RASGEF1C: variants seen among roughly 807,000 people sequenced by gnomAD.
The protein encoded by RASGEF1C is RasGEF domain family member 1C, also known as ras-GEF domain-containing family member 1C.
A neutral mutation model predicts 58.1 loss-of-function variants in RASGEF1C; 27 were observed. That is an observed-to-expected ratio of 0.46 (90% CI 0.34 to 0.64). RASGEF1C has a LOEUF of 0.64. Ranked by LOEUF, RASGEF1C falls within the 30% of genes least tolerant of loss-of-function variation. The probability of loss-of-function intolerance (pLI) is 0.01; values close to 1 mark genes in which losing one functional copy is unlikely to be tolerated. For synonymous variants in RASGEF1C, 243 were observed against 246.3 expected (o/e 0.99, Z 0.13); for missense variants, 502 against 605.1 (o/e 0.83, Z 1.79).
intron 10 of RASGEF1C, among the ~76,000 whole-genome samples, chr5:180,116,575 G>A (rs562148216): frequency 2.0e-4 from 31 of 152,322 alleles, no homozygotes; most frequent in African/African-American, 6.7e-4. Context: ...GCTGTAAGCC[G>A]CCCGCCTACA....
rs147603488 is a variant in RASGEF1C at position 180,121,858 on chromosome 5, C to T, written c.715-709G>A. On this transcript the variant is annotated intron_variant, in intron 6 of 13. Coordinates refer to ENST00000361132, the MANE Select transcript of RASGEF1C (RefSeq NM_175062.4). ...AGAGGAGGCTAAGCAATGCTTTGTC[C>T]CGCATCACACGCTCAGACTTGGCCT... Among the ~76,000 whole-genome samples, 127 of 152,322 alleles carry T rather than the reference C, an allele frequency of 8.3e-4. 3 individuals are homozygous for T. The East Asian group carries it at 0.022, about 26-fold the overall frequency.
intron 4 of RASGEF1C, among the ~76,000 whole-genome samples, chr5:180,129,589 C>T (rs1413735210): frequency 5.3e-5 from 8 of 152,218 alleles, no homozygotes; most frequent in Admixed American, 5.2e-4. Flanking sequence ...TCACTGCAGG[C>T]TCTGTGTGTC....
Position 180,121,235 on chromosome 5 carries a change from C to T in RASGEF1C, c.715-86G>A, listed in dbSNP as rs979716938. The T allele has an allele frequency of 7.1e-5, 65 of 912,002 alleles. No homozygotes were observed. In the East Asian group the frequency reaches 7.7e-4, roughly 11 times the overall value. The allele number at this position is 912,002 out of a possible 1,614,324, so 56.5% of individuals were successfully genotyped here. ...GCATGAAGTCAGTTCATGATCCTTA[C>T]GATCTGGGAAATGTTAAAACCCCCA... On this transcript the variant is annotated intron_variant, in intron 6 of 13. Transcript: ENST00000361132.
At position 180,142,647 on chromosome 5, in the gene RASGEF1C, C is replaced by T. The variant is rs181854745; in HGVS notation, c.-6-4589G>A. On this transcript the variant is annotated intron_variant, in intron 1 of 13. Transcript: ENST00000361132. ...CGCTGCAGTGATGGTTCTGAACACA[C>T]GGTCATAACACAGAAAACAGTGTGG... Among the ~76,000 whole-genome samples the T allele has an allele frequency of 3.3e-5, 5 of 152,100 alleles. No individual in the cohort carries two copies. In the East Asian group the frequency reaches 7.8e-4, roughly 24 times the overall value.
At chr5:180,171,404 G>A (rs961364605) in intron 1 of RASGEF1C, among the ~76,000 whole-genome samples, 2 of 152,098 alleles carry the variant, frequency 1.3e-5, no homozygotes, top group South Asian at 2.1e-4. Context: ...CTACAGCCCG[G>A]GGAATCCAAC....
rs540146677 is a variant in RASGEF1C at position 180,136,417 on chromosome 5, G to C, written c.399C>G (p.His133Gln). The C allele has an allele frequency of 3.2e-6, 5 of 1,560,562 alleles. No individual in the cohort carries two copies. The highest frequency in any genetic ancestry group is 4.3e-6 in the Non-Finnish European group (5 of 1,152,214). Residue 133 changes from histidine to glutamine, a missense_variant, in exon 4 of 14, where the codon CAC becomes CAG. His to Gln is a conservative substitution (Grantham distance 24). Coordinates refer to ENST00000361132, the MANE Select transcript of RASGEF1C (RefSeq NM_175062.4). The stretch of plus-strand genomic sequence containing the variant: ...CGATGCGGCCCACGACGTCCTTAAG[G>C]TGCCCGATAGTCGACTCTTCCTGGA... Reference protein sequence around the residue: ...RDFQEESTIGHLKDVVGRIAP... With the variant: ...RDFQEESTIGQLKDVVGRIAP...
In RASGEF1C at chr5:180,148,898, C is replaced by T. The variant is rs140685003; in HGVS notation, c.-6-10840G>A. On this transcript the variant is annotated intron_variant, in intron 1 of 13. Coordinates refer to ENST00000361132, the MANE Select transcript of RASGEF1C (RefSeq NM_175062.4). ...TAGTATTTCTCCTAGGTAGGCCTTG[C>T]GGTAGTGACTTTCTTCGATTCTTGT... Among the ~76,000 whole-genome samples, 725 of 152,156 alleles carry T rather than the reference C, an allele frequency of 4.8e-3. 6 individuals are homozygous for T. The highest frequency in any genetic ancestry group is 6.3e-3 in the Non-Finnish European group (429 of 68,014).
At position 180,197,378 on chromosome 5, in the gene RASGEF1C, A is replaced by G. The variant is rs1441162373; in HGVS notation, c.-7+11650T>C. 1.3e-5 allele frequency among the ~76,000 whole-genome samples: 2 copies of G among 152,188 alleles called. No homozygotes were observed. The highest frequency in any genetic ancestry group is 4.8e-5 in the African/African-American group (2 of 41,442). On this transcript the variant is annotated intron_variant, in intron 1 of 13. Coordinates refer to ENST00000361132, the MANE Select transcript of RASGEF1C (RefSeq NM_175062.4). The surrounding 1 kb of genome is among the most constrained non-coding windows in gnomAD (Gnocchi z 4.7). ...ACAGTGGACCCAGGCTGGACAGAGA[A>G]GGCCTGGGGGTTAACAGAGAGGCAC...
At chr5:180,176,341 C>T (rs750106799) in intron 1 of RASGEF1C, among the ~76,000 whole-genome samples, 17 of 152,310 alleles carry the variant, frequency 1.1e-4, no homozygotes, top group Non-Finnish European at 2.2e-4. Flanking sequence ...TTTAATCTTG[C>T]GAAGACTCAG....
intron 1 of RASGEF1C, among the ~76,000 whole-genome samples, chr5:180,150,432 T>C (rs1766727538): frequency 6.6e-6 from 1 of 152,226 alleles, no homozygotes; most frequent in African/African-American, 2.4e-5. Flanking sequence ...TTCCTGTTTC[T>C]TTATATGCCT....
chr5:180,108,453 A>T (rs1443584179), intron 12 of RASGEF1C, among the ~76,000 whole-genome samples: 1 of 152,084 alleles, frequency 6.6e-6, no homozygotes, highest in Non-Finnish European at 1.5e-5. Context: ...TGCCTGCCTC[A>T]GCCTCCCAAA....
chr5:180,190,356 G>A (rs573049704), intron 1 of RASGEF1C, among the ~76,000 whole-genome samples: 10 of 151,692 alleles, frequency 6.6e-5, no homozygotes, highest in African/African-American at 1.2e-4. Flanking sequence ...CGGGCGTGGT[G>A]GCGGGCGCCT....
At chr5:180,129,924 C>T (rs140503081) in intron 4 of RASGEF1C, among the ~76,000 whole-genome samples, 2,354 of 152,300 alleles carry the variant, frequency 0.015, 26 homozygotes, top group Non-Finnish European at 0.023. Context: ...TTTTCCTTGA[C>T]GGTGGGAGAG....
rs1766287217 is a variant in RASGEF1C at position 180,127,694 on chromosome 5, G to A, written c.640-11C>T. 3 of 1,611,016 alleles carry A rather than the reference G, an allele frequency of 1.9e-6. No homozygotes were observed. Among genetic ancestry groups the A allele is most frequent in the Non-Finnish European group, 2.5e-6 (3 of 1,178,864 alleles). ...GTGCCGCAGCCGCTCCTGCAGGGAAGGGTGAAGAGTGGGTAAAAGAGGGAA... is the reference window on the plus strand; with the variant it reads ...GTGCCGCAGCCGCTCCTGCAGGGAAAGGTGAAGAGTGGGTAAAAGAGGGAA... On this transcript the variant is annotated splice_polypyrimidine_tract_variant and intron_variant, in intron 5 of 13. Coordinates refer to ENST00000361132, the MANE Select transcript of RASGEF1C (RefSeq NM_175062.4).
intron 1 of RASGEF1C, among the ~76,000 whole-genome samples, chr5:180,206,302 A>G (rs1438340800): frequency 3.9e-5 from 6 of 152,244 alleles, no homozygotes; most frequent in Admixed American, 3.9e-4. Flanking sequence ...ATTAGAAAAC[A>G]CAGATGATTG....
chr5:180,137,580 T>C lies in RASGEF1C; in HGVS notation c.300+10A>G. 6.2e-7 allele frequency: 1 copy of C among 1,608,498 alleles called. No homozygotes were observed. Among genetic ancestry groups the C allele is most frequent in the Non-Finnish European group, 8.5e-7 (1 of 1,178,568 alleles). On this transcript the variant is annotated intron_variant, in intron 3 of 13. Coordinates refer to ENST00000361132, the MANE Select transcript of RASGEF1C (RefSeq NM_175062.4). This position sits in a 1 kb window ranked among gnomAD's most constrained non-coding sequence, Gnocchi z 4.1. ...CACTCTGAGACCCCCTGGCCTGCCC[T>C]CCGCCTCACCTTGTCCAGCACCGGC... is the stretch of plus-strand genomic sequence containing the variant.
At chr5:180,128,184 T>C (rs1415972030) in intron 5 of RASGEF1C, among the ~76,000 whole-genome samples, 1 of 151,510 alleles carries the variant, frequency 6.6e-6, no homozygotes, top group Admixed American at 6.6e-5. Context: ...AGCAGGGAGG[T>C]CGCCATCAAC....
Position 180,101,370 on chromosome 5 carries a change from C to T in RASGEF1C, c.*131G>A. 4.0e-6 allele frequency: 4 copies of T among 992,146 alleles called. No individual in the cohort carries two copies. Among genetic ancestry groups the T allele is most frequent in the Non-Finnish European group, 4.4e-6 (3 of 677,054 alleles). The allele number at this position is 992,146 out of a possible 1,614,324, so 61.5% of individuals were successfully genotyped here. On this transcript the variant is annotated 3_prime_UTR_variant, in exon 14 of 14. Coordinates refer to ENST00000361132, the MANE Select transcript of RASGEF1C (RefSeq NM_175062.4). ...CCACTGTGGGGGGGGGGGGGGCGGG[C>T]AGCAGGCCACAGGGTCGGCATTTGC...
intron 4 of RASGEF1C, among the ~76,000 whole-genome samples, chr5:180,134,526 T>A (rs1766432369): frequency 6.6e-6 from 1 of 151,682 alleles, no homozygotes; most frequent in Non-Finnish European, 1.5e-5. Context: ...CTGTAGACCA[T>A]CCACCCAGCA....
Sources: allele counts gnomAD v4.1 joint callset (sites outside exome capture counted in the v4.1 genomes callset), GRCh38; gene constraint gnomAD v4.1.1; non-coding constraint Gnocchi (gnomAD v3.1); transcripts MANE v1.5; gene names NCBI Gene and HGNC (gene_info 2026-07-23, HGNC 2026-07-21).